Variants in TPRG1 observed in about 807,000 individuals in gnomAD.
TPRG1 encodes the protein tumor protein p63-regulated gene 1 protein.
TPRG1 carries 29 observed loss-of-function variants against 29.3 expected under a neutral mutation model. The observed-to-expected ratio is 0.99, with a 90% CI of 0.74 to 1.35. The LOEUF is 1.35. Among genes scored for constraint, TPRG1 ranks in the 40% most tolerant of loss-of-function variants. TPRG1 has a pLI of 0.00. For synonymous variants in TPRG1, 130 were observed against 116.8 expected, an observed-to-expected ratio of 1.11 and a Z score of -0.73; for missense variants, 327 against 335.0, an observed-to-expected ratio of 0.98 and a Z score of 0.19.
At chr3:189,182,051 C>T (rs1299586717) in intron 1 of TPRG1, among the ~76,000 whole-genome samples, 7 of 152,204 alleles carry the variant, frequency 4.6e-5, no homozygotes, top group Non-Finnish European at 1.5e-5. Flanking sequence ...TATTCACTAT[C>T]ATGAGAAAGA....
chr3:189,046,690 T>C (rs930725086), intron 4 of TPRG1, among the ~76,000 whole-genome samples: 1 of 152,188 alleles, frequency 6.6e-6, no homozygotes, highest in African/African-American at 2.4e-5. Flanking sequence ...ACTTTTCCTG[T>C]AGTATACGTT....
chr3:189,182,781 AT>A (rs1457039278), intron 1 of TPRG1, among the ~76,000 whole-genome samples: 1 of 41,202 alleles, frequency 2.4e-5, no homozygotes, highest in African/African-American at 1.0e-4. Flanking sequence ...ATAGGAATTT[AT>A]TTATTTATTT....
intron 1 of TPRG1, among the ~76,000 whole-genome samples, chr3:189,203,303 C>G (rs1353227949): frequency 6.6e-6 from 1 of 151,334 alleles, no homozygotes; most frequent in Non-Finnish European, 1.5e-5. Context: ...TAATCAAAGG[C>G]AAGGTAGTAC....
At chr3:189,118,207 A>C (rs1352532579) in intron 1 of TPRG1, among the ~76,000 whole-genome samples, 1 of 152,134 alleles carries the variant, frequency 6.6e-6, no homozygotes, top group African/African-American at 2.4e-5. Context: ...TGGGAACTGG[A>C]TTACAGGTCA....
At chr3:189,111,127 C>A (rs1422525165) in intron 1 of TPRG1, among the ~76,000 whole-genome samples, 1 of 149,590 alleles carries the variant, frequency 6.7e-6, no homozygotes, top group South Asian at 2.1e-4. Flanking sequence ...CAAAAAAAAT[C>A]TTACTAGAAT....
chr3:189,192,399 C>T (rs1731832778), intron 1 of TPRG1, among the ~76,000 whole-genome samples: 1 of 152,088 alleles, frequency 6.6e-6, no homozygotes, highest in African/African-American at 2.4e-5. Flanking sequence ...GCTAAGGATA[C>T]CATAGTAAAT....
intron 1 of TPRG1, among the ~76,000 whole-genome samples, chr3:189,196,025 CCT>C (rs1459933546): frequency 6.6e-6 from 1 of 152,178 alleles, no homozygotes; most frequent in East Asian, 1.9e-4. Context: ...GCTGACATCA[CCT>C]CTCTCAGAGA....
At chr3:188,999,804 A>G (rs73062683) in intron 1 of TPRG1, among the ~76,000 whole-genome samples, 1,892 of 152,174 alleles carry the variant, frequency 0.012, 43 homozygotes, top group African/African-American at 0.044. Flanking sequence ...GGGCTTTATT[A>G]GCTATAGTTA....
At chr3:189,243,212 T>C (rs1319129798) in intron 4 of TPRG1, among the ~76,000 whole-genome samples, 1 of 152,172 alleles carries the variant, frequency 6.6e-6, no homozygotes, top group African/African-American at 2.4e-5. Flanking sequence ...GAGTGAGGCA[T>C]CTTGCATAGT....
chr3:189,182,043 T>A (rs1730300681), intron 1 of TPRG1, among the ~76,000 whole-genome samples: 1 of 152,160 alleles, frequency 6.6e-6, no homozygotes, highest in African/African-American at 2.4e-5. Flanking sequence ...CCGAGACTTA[T>A]TCACTATCAT....
At chr3:189,115,910 A>C (rs1721108466) in intron 1 of TPRG1, among the ~76,000 whole-genome samples, 2 of 152,162 alleles carry the variant, frequency 1.3e-5, no homozygotes, top group Non-Finnish European at 2.9e-5. Context: ...TTTGTCAGGG[A>C]AATGTAAATC....
At chr3:189,270,270 G>A (rs2109079838) in intron 4 of TPRG1, among the ~76,000 whole-genome samples, 1 of 152,178 alleles carries the variant, frequency 6.6e-6, no homozygotes, top group East Asian at 1.9e-4. Context: ...TCCGTGTCAG[G>A]AATTTTGAAT....
chr3:188,999,188 T>G (rs1192123475), intron 1 of TPRG1, among the ~76,000 whole-genome samples: 2 of 151,886 alleles, frequency 1.3e-5, no homozygotes, highest in African/African-American at 4.8e-5. Context: ...TGTTCTAGGG[T>G]GGAATCAGTG....
chr3:189,117,435 A>G (rs1721312831), intron 1 of TPRG1, among the ~76,000 whole-genome samples: 1 of 152,210 alleles, frequency 6.6e-6, no homozygotes, highest in South Asian at 2.1e-4. Context: ...CTCAAAAGAG[A>G]TAGTCCCTGG....
upstream of TPRG1, among the ~76,000 whole-genome samples, chr3:189,099,444 G>A (rs577881902): frequency 1.3e-4 from 20 of 152,194 alleles, no homozygotes; most frequent in South Asian, 3.7e-3. Flanking sequence ...GTGTGAGAGT[G>A]GGCAAGGGAG....
intron 2 of TPRG1, among the ~76,000 whole-genome samples, chr3:189,209,202 A>G (rs1391568104): frequency 6.6e-6 from 1 of 152,230 alleles, no homozygotes; most frequent in East Asian, 1.9e-4. Context: ...CTGTGATGGA[A>G]GGAGACGCAG....
intron 1 of TPRG1, among the ~76,000 whole-genome samples, chr3:189,172,924 T>G (rs900492517): frequency 3.9e-5 from 6 of 152,162 alleles, no homozygotes; most frequent in Non-Finnish European, 8.8e-5. Flanking sequence ...GGGAAATATT[T>G]TAGCTTTTCA....
At chr3:189,270,405 T>G (rs1379539045) in intron 4 of TPRG1, among the ~76,000 whole-genome samples, 1 of 152,198 alleles carries the variant, frequency 6.6e-6, no homozygotes, top group Non-Finnish European at 1.5e-5. Flanking sequence ...GCAGTTCCCT[T>G]GGGCAGTTGC....
Position 189,324,753 on chromosome 3 carries a change from A to G in TPRG1, c.*3933A>G, listed in dbSNP as rs1398150355. ...TGGAGAAAAGAAGATGACTTGTGCC[A>G]AGGGGAAGAAAGAGAGAGACTAATG... On this transcript the variant is annotated 3_prime_UTR_variant, in exon 6 of 6. Coordinates refer to ENST00000345063, the MANE Select transcript of TPRG1 (RefSeq NM_198485.4). 6.6e-6 allele frequency: 1 copy of G among 152,168 alleles called. No homozygotes were observed. The highest frequency in any genetic ancestry group is 2.1e-4 in the South Asian group (1 of 4,822). The allele number at this position is 152,168 out of a possible 1,614,324, so 9.4% of individuals were successfully genotyped here.
Sources: allele counts gnomAD v4.1 joint callset (sites outside exome capture counted in the v4.1 genomes callset), GRCh38; gene constraint gnomAD v4.1.1; transcripts MANE v1.5; gene names NCBI Gene and HGNC (gene_info 2026-07-23, HGNC 2026-07-21).